ZPBP: variants seen among roughly 807,000 people sequenced by gnomAD.
ZPBP encodes zona pellucida binding protein.
Under a neutral mutation model 44.8 loss-of-function variants are expected in ZPBP, and 26 were observed. The observed-to-expected ratio is 0.58, with a 90% CI of 0.43 to 0.81. The LOEUF is 0.81. ZPBP is among the 30% of genes least tolerant of loss of function. The probability of loss-of-function intolerance (pLI) is 0.00; values close to 1 mark genes in which losing one functional copy is unlikely to be tolerated. For synonymous variants in ZPBP, 174 were observed against 153.2 expected, an observed-to-expected ratio of 1.14 and a Z score of -1.00; for missense variants, 409 against 434.0, an observed-to-expected ratio of 0.94 and a Z score of 0.51.
At chr7:50,038,903 A>G (rs376673724) in intron 4 of ZPBP, among the ~76,000 whole-genome samples, 8 of 152,218 alleles carry the variant, frequency 5.3e-5, no homozygotes, top group Admixed American at 2.0e-4. Flanking sequence ...AGTAAGCTAT[A>G]CCATCTAGGT....
chr7:49,904,485 G>C (rs1792969010), intron 1 of ZPBP, among the ~76,000 whole-genome samples: 2 of 152,158 alleles, frequency 1.3e-5, no homozygotes, highest in African/African-American at 4.8e-5. Flanking sequence ...CATGTTTAGA[G>C]GGACTTGGTT....
the ZPBP span, among the ~76,000 whole-genome samples, chr7:49,841,923 A>G: frequency 6.6e-6 from 1 of 152,000 alleles, no homozygotes; most frequent in African/African-American, 2.4e-5. Context: ...CTGCAGTGCA[A>G]TGGCGTGATC....
intron 6 of ZPBP, among the ~76,000 whole-genome samples, chr7:50,008,669 C>G (rs891924420): frequency 2.0e-5 from 3 of 151,794 alleles, no homozygotes; most frequent in Admixed American, 2.0e-4. Context: ...TAAAGACAGA[C>G]AAACAGACCA....
intron 1 of ZPBP, among the ~76,000 whole-genome samples, chr7:49,926,751 AAG>A (rs1413837762): frequency 1.3e-5 from 2 of 152,232 alleles, no homozygotes; most frequent in Non-Finnish European, 2.9e-5. Context: ...AAATGTCTGT[AAG>A]AGAAAAAGGG....
intron 5 of ZPBP, 55 bp downstream of exon 5, chr7:50,031,037 T>A (rs1021783689): frequency 2.0e-5 from 30 of 1,493,608 alleles, no homozygotes; most frequent in Non-Finnish European, 2.4e-5. Context: ...ACAACTTTTT[T>A]AACTATTAGT....
chr7:49,896,881 ATTTTTTTTT>A (rs36066373), intron 2 of ZPBP, among the ~76,000 whole-genome samples: 1 of 95,052 alleles, frequency 1.1e-5, no homozygotes, highest in Non-Finnish European at 2.1e-5. Context: ...TGGATTGATA[ATTTTTTTTT>A]TTTTTTTTTT....
At chr7:49,973,858 G>T (rs953372014) in intron 7 of ZPBP, among the ~76,000 whole-genome samples, 3 of 152,104 alleles carry the variant, frequency 2.0e-5, no homozygotes, top group African/African-American at 7.2e-5. Context: ...TCATATAATT[G>T]TATACTAATG....
intron 2 of ZPBP, among the ~76,000 whole-genome samples, chr7:49,853,110 C>T (rs1790261599): frequency 6.6e-6 from 1 of 152,246 alleles, no homozygotes; most frequent in African/African-American, 2.4e-5. Flanking sequence ...GGCAGGCTCC[C>T]AGGCTATGGG....
chr7:49,911,740 T>C (rs1362972795), intron 1 of ZPBP, among the ~76,000 whole-genome samples: 1 of 151,250 alleles, frequency 6.6e-6, no homozygotes, highest in Non-Finnish European at 1.5e-5. Context: ...CTACAAAAAT[T>C]ACAAAAACTA....
chr7:49,862,038 G>T (rs749267356), intron 2 of ZPBP, among the ~76,000 whole-genome samples: 1 of 152,116 alleles, frequency 6.6e-6, no homozygotes, highest in Non-Finnish European at 1.5e-5. Context: ...TTTTGAAAGG[G>T]ATTGTATTGA....
At chr7:49,987,516 G>A (rs1797348526) in intron 6 of ZPBP, among the ~76,000 whole-genome samples, 1 of 152,138 alleles carries the variant, frequency 6.6e-6, no homozygotes, top group Admixed American at 6.5e-5. Flanking sequence ...CTAGGAATTA[G>A]AGGTGGCTAG....
chr7:49,855,789 T>C (rs1407450493), intron 2 of ZPBP, among the ~76,000 whole-genome samples: 1 of 152,184 alleles, frequency 6.6e-6, no homozygotes, highest in Non-Finnish European at 1.5e-5. Context: ...CCCTCCCAGC[T>C]GCCCTCACCA....
At chr7:49,976,620 G>T (rs1009675442) in intron 7 of ZPBP, among the ~76,000 whole-genome samples, 1 of 152,012 alleles carries the variant, frequency 6.6e-6, no homozygotes, top group Non-Finnish European at 1.5e-5. Context: ...AATTTTATTA[G>T]ACTTTTCTAG....
At chr7:49,986,639 T>C (rs1463171678) in intron 6 of ZPBP, among the ~76,000 whole-genome samples, 2 of 142,356 alleles carry the variant, frequency 1.4e-5, no homozygotes, top group Admixed American at 6.8e-5. Flanking sequence ...GCTGTTTTTC[T>C]TTTTTTTTTC....
At chr7:49,866,228 C>T (rs1790885655) in intron 2 of ZPBP, among the ~76,000 whole-genome samples, 1 of 152,200 alleles carries the variant, frequency 6.6e-6, no homozygotes, top group Non-Finnish European at 1.5e-5. Context: ...GACCCTTCGC[C>T]AGATGTGTTC....
At position 49,983,532 on chromosome 7, in the gene ZPBP, T is replaced by A; in HGVS notation, c.784-13A>T. The A allele has an allele frequency of 6.7e-7, 1 of 1,481,846 alleles. No homozygotes were observed. Among genetic ancestry groups the A allele is most frequent in the Non-Finnish European group, 9.3e-7 (1 of 1,072,900 alleles). The allele number at this position is 1,481,846 out of a possible 1,614,324, so 91.8% of individuals were successfully genotyped here. A position where few individuals can be genotyped will look rare whatever the true frequency, so the allele number is the denominator to read the frequency against. On this transcript the variant is annotated splice_polypyrimidine_tract_variant and intron_variant, in intron 6 of 7. Transcript: ENST00000046087. ...TGAGATTTTTAGCCTAAAACATAAA[T>A]ACAATTTGATAAACTGTTAGCCATA...
At chr7:49,922,051 T>G in intron 1 of ZPBP, 2 of 152,334 alleles carry the variant, frequency 1.3e-5, no homozygotes, top group Admixed American at 1.3e-4. Context: ...ATATACGTCA[T>G]TAAAAATACT....
At chr7:49,968,908 T>C (rs1167799709) in intron 7 of ZPBP, among the ~76,000 whole-genome samples, 1 of 151,868 alleles carries the variant, frequency 6.6e-6, no homozygotes, top group Non-Finnish European at 1.5e-5. Context: ...TAAGAATGTA[T>C]CTCATAGACA....
intron 2 of ZPBP, among the ~76,000 whole-genome samples, chr7:49,898,468 ATTTG>A (rs1443857311): frequency 2.6e-5 from 4 of 152,050 alleles, no homozygotes; most frequent in East Asian, 3.8e-4. Context: ...ATCCCTCAAT[ATTTG>A]TTTGTCTGAC....
Sources: allele counts gnomAD v4.1 joint callset (sites outside exome capture counted in the v4.1 genomes callset), GRCh38; gene constraint gnomAD v4.1.1; transcripts MANE v1.5; gene names NCBI Gene and HGNC (gene_info 2026-07-23, HGNC 2026-07-21).